MIGA1: variants seen among roughly 807,000 people sequenced by gnomAD.
MIGA1 encodes mitoguardin 1.
Under a neutral mutation model 82.0 loss-of-function variants are expected in MIGA1, and 58 were observed. The ratio of observed to expected loss-of-function variants is 0.71; its 90% CI spans 0.57 to 0.88. MIGA1 has a LOEUF of 0.88. MIGA1 is among the 40% of genes least tolerant of loss of function. The pLI is 0.00. For missense variants in MIGA1, 751 were observed against 749.1 expected (o/e 1.00, Z -0.03); for synonymous variants, 249 against 253.6 (o/e 0.98, Z 0.17).
chr1:77,874,201 GACTTAAT>G (rs1646874601), intron 15 of MIGA1, among the ~76,000 whole-genome samples: 1 of 151,996 alleles, frequency 6.6e-6, no homozygotes, highest in African/African-American at 2.4e-5. Context: ...TAATAGCTGA[GACTTAAT>G]ACTTATTCGT....
intron 1 of MIGA1, 154 bp downstream of exon 1, chr1:77,779,890 G>A: frequency 7.0e-7 from 1 of 1,424,298 alleles, no homozygotes. Context: ...GCGGCGGAAA[G>A]CCAGAGGGTC....
At chr1:77,845,146 CTA>C (rs1419791112) in intron 8 of MIGA1, among the ~76,000 whole-genome samples, 2 of 152,064 alleles carry the variant, frequency 1.3e-5, no homozygotes, top group Admixed American at 6.6e-5. Flanking sequence ...CAAGGTTTTT[CTA>C]TATGTGTATA....
intron 2 of MIGA1, 101 bp downstream of exon 2, chr1:77,783,452 C>A: frequency 1.8e-6 from 1 of 569,838 alleles, no homozygotes; most frequent in Non-Finnish European, 2.9e-6. Context: ...CTATATAGTA[C>A]AGTCAAAATA....
chr1:77,790,531 G>A (rs995446350), intron 2 of MIGA1, among the ~76,000 whole-genome samples: 3 of 151,714 alleles, frequency 2.0e-5, no homozygotes, highest in Non-Finnish European at 1.5e-5. Flanking sequence ...CTCCCAAAGT[G>A]CTGGGATTAC....
rs573580730 is a variant in MIGA1 at position 77,877,433 on chromosome 1, T to G, written c.*2369T>G. ...TTTAACAATTACCTATTTATAGTTC[T>G]TATTATTGACGGGAATATGATTAGA... is the stretch of plus-strand genomic sequence containing the variant. On this transcript the variant is annotated 3_prime_UTR_variant, in exon 16 of 16. Coordinates refer to ENST00000370791, the MANE Select transcript of MIGA1 (RefSeq NM_198549.4). 1 of 152,342 alleles carries G rather than the reference T, an allele frequency of 6.6e-6. No individual in the cohort carries two copies. Among genetic ancestry groups the G allele is most frequent in the East Asian group, 1.9e-4 (1 of 5,174 alleles). 9.4% of individuals were successfully genotyped at this position (152,342 alleles called of 1,614,324 possible). A position where few individuals can be genotyped will look rare whatever the true frequency, so the allele number is the denominator to read the frequency against.
intron 2 of MIGA1, among the ~76,000 whole-genome samples, chr1:77,794,813 A>G (rs1000293982): frequency 3.3e-5 from 5 of 152,100 alleles, no homozygotes; most frequent in Non-Finnish European, 7.4e-5. Flanking sequence ...GAAAAAAGGC[A>G]CACACACACA....
chr1:77,800,260 C>T (rs1297027113), intron 2 of MIGA1, among the ~76,000 whole-genome samples: 1 of 152,164 alleles, frequency 6.6e-6, no homozygotes, highest in African/African-American at 2.4e-5. Context: ...CCTACATTTG[C>T]AGCACCTCTC....
At chr1:77,847,895 C>T in intron 8 of MIGA1, 1 of 1,525,580 alleles carries the variant, frequency 6.6e-7, no homozygotes, top group Non-Finnish European at 9.1e-7. Context: ...ATGCTAAGAG[C>T]AGCAAGGATG....
intron 7 of MIGA1, among the ~76,000 whole-genome samples, chr1:77,820,381 C>T (rs922790369): frequency 1.3e-5 from 2 of 152,174 alleles, no homozygotes; most frequent in Non-Finnish European, 2.9e-5. Flanking sequence ...TGGATGCAGA[C>T]TAACTGGGTT....
intron 12 of MIGA1, among the ~76,000 whole-genome samples, chr1:77,863,466 C>T (rs910898708): frequency 1.3e-5 from 2 of 152,136 alleles, no homozygotes; most frequent in African/African-American, 2.4e-5. Flanking sequence ...ATACTCTAGG[C>T]GTCTAATTTG....
At chr1:77,803,211 A>G in intron 3 of MIGA1, 59 bp from the exon 4 acceptor site, 1 of 1,162,702 alleles carries the variant, frequency 8.6e-7, no homozygotes, top group South Asian at 2.7e-5. Flanking sequence ...TGAAATTTTT[A>G]CCTGAAATTT....
At chr1:77,811,771 A>G in intron 5 of MIGA1, 1 of 1,591,284 alleles carries the variant, frequency 6.3e-7, no homozygotes, top group South Asian at 1.1e-5. Flanking sequence ...ACTCCGGGTC[A>G]CCTCCGACAT....
intron 10 of MIGA1, 21 bp from the exon 11 acceptor site, chr1:77,860,019 T>TG: frequency 6.5e-7 from 1 of 1,535,210 alleles, no homozygotes. Flanking sequence ...CTTTTTTCTT[T>TG]GGGGATGAAT....
chr1:77,840,672 C>T (rs1318314324), intron 7 of MIGA1, among the ~76,000 whole-genome samples: 2 of 151,954 alleles, frequency 1.3e-5, no homozygotes, highest in African/African-American at 4.8e-5. Context: ...ATTAGCCGGG[C>T]GTGGTGGCAC....
chr1:77,782,988 C>CAA, intron 1 of MIGA1: 1 of 457,410 alleles, frequency 2.2e-6, no homozygotes, highest in Non-Finnish European at 2.9e-6. Flanking sequence ...TACCCGGACT[C>CAA]AAAGTTTAAA....
intron 14 of MIGA1, among the ~76,000 whole-genome samples, chr1:77,870,116 C>T (rs1204256228): frequency 1.7e-4 from 15 of 87,172 alleles, no homozygotes; most frequent in South Asian, 5.1e-4. Context: ...CCCTCCTGGA[C>T]GGGGCGACTG....
intron 3 of MIGA1, among the ~76,000 whole-genome samples, chr1:77,802,864 A>AATTT (rs1291356851): frequency 6.6e-6 from 1 of 152,140 alleles, no homozygotes; most frequent in East Asian, 1.9e-4. Flanking sequence ...AAGTATAACT[A>AATTT]ATTTCAATGC....
chr1:77,861,396 GT>G, intron 12 of MIGA1, 74 bp downstream of exon 12: 2 of 965,900 alleles, frequency 2.1e-6, no homozygotes, highest in South Asian at 1.4e-5. Flanking sequence ...TGAGACTACT[GT>G]TTCATTGTCC....
At chr1:77,851,876 C>CT (rs374230686) in intron 8 of MIGA1, among the ~76,000 whole-genome samples, 63,317 of 120,222 alleles carry the variant, frequency 0.53, 16,578 homozygotes, top group South Asian at 0.72. Context: ...AGTTTTCTTT[C>CT]TTTTTTTTTT....
Sources: gnomAD v4.1 joint callset for allele counts (sites outside exome capture counted in the v4.1 genomes callset) on GRCh38, gnomAD v4.1.1 for gene constraint, MANE v1.5 for transcripts, NCBI Gene and HGNC (gene_info 2026-07-23, HGNC 2026-07-21) for gene names.